Variants in INTS12 observed in about 807,000 individuals in gnomAD.
The protein encoded by INTS12 is PHD finger protein 22.
Under a neutral mutation model 41.6 loss-of-function variants are expected in INTS12, and 13 were observed. The ratio of observed to expected loss-of-function variants is 0.31; its 90% CI spans 0.20 to 0.50. INTS12 has a LOEUF of 0.50. INTS12 is among the 20% of genes least tolerant of loss of function. The pLI, the probability that INTS12 is intolerant of heterozygous loss-of-function variation, is 0.98. For missense variants in INTS12, 432 were observed against 541.6 expected (o/e 0.80, Z 2.01); for synonymous variants, 199 against 191.4 (o/e 1.04, Z -0.33).
At chr4:105,695,749 C>T in intron 3 of INTS12, 81 bp from the exon 4 acceptor site, 2 of 1,137,962 alleles carry the variant, frequency 1.8e-6, no homozygotes, top group Non-Finnish European at 2.5e-6. Context: ...AAACAATTTT[C>T]AGTTAAAAAT....
chr4:105,685,254 T>G (rs1330422708), intron 7 of INTS12, among the ~76,000 whole-genome samples: 1 of 152,094 alleles, frequency 6.6e-6, no homozygotes, highest in East Asian at 1.9e-4. Flanking sequence ...AAAACAAATA[T>G]GACAGCAGTC....
At chr4:105,707,330 T>G (rs1417569627) in intron 1 of INTS12, among the ~76,000 whole-genome samples, 1 of 152,034 alleles carries the variant, frequency 6.6e-6, no homozygotes, top group African/African-American at 2.4e-5. Context: ...TTTTTTTTTT[T>G]TGGCACAAGT....
intron 1 of INTS12, chr4:105,708,067 G>A: frequency 2.0e-6 from 2 of 985,408 alleles, no homozygotes; most frequent in East Asian, 1.1e-4. Flanking sequence ...GCAAGCTCTT[G>A]CAACCCCTTC....
intron 2 of INTS12, 149 bp from the exon 3 acceptor site, chr4:105,700,163 T>C: frequency 4.4e-6 from 2 of 452,654 alleles, no homozygotes; most frequent in Non-Finnish European, 3.6e-6. Context: ...CAAATAAAAG[T>C]AAATTTCCTT....
chr4:105,708,396 G>T, intron 1 of INTS12: 1 of 985,454 alleles, frequency 1.0e-6, no homozygotes, highest in South Asian at 4.7e-5. Context: ...CAAGTCCCTT[G>T]TCCCTAGACC....
intron 2 of INTS12, chr4:105,703,135 G>T: frequency 2.6e-6 from 1 of 391,510 alleles, no homozygotes; most frequent in Non-Finnish European, 3.5e-6. Context: ...CTGCAAAAGA[G>T]CCATATCATT....
At chr4:105,694,037 G>A (rs1458549996) in intron 4 of INTS12, among the ~76,000 whole-genome samples, 1 of 151,992 alleles carries the variant, frequency 6.6e-6, no homozygotes, top group South Asian at 2.1e-4. Flanking sequence ...TTCACTTATA[G>A]GTATACATCC....
chr4:105,685,507 T>C (rs1731470108), intron 7 of INTS12, among the ~76,000 whole-genome samples: 2 of 152,134 alleles, frequency 1.3e-5, no homozygotes, highest in African/African-American at 4.8e-5. Flanking sequence ...TGAAAAATAA[T>C]CTCCAAATAT....
At chr4:105,693,222 T>C (rs1303664260) in intron 5 of INTS12, 77 bp downstream of exon 5, 3 of 1,196,598 alleles carry the variant, frequency 2.5e-6, no homozygotes, top group African/African-American at 3.0e-5. Flanking sequence ...TTTTTCTGAT[T>C]TTGGGGGTTG....
chr4:105,705,440 A>C (rs1234509087), intron 1 of INTS12: 1 of 152,238 alleles, frequency 6.6e-6, no homozygotes, highest in East Asian at 1.9e-4. Context: ...TAATAAGAGA[A>C]ATAAAGTGCA....
At chr4:105,701,681 TC>T (rs1266233439) in intron 2 of INTS12, among the ~76,000 whole-genome samples, 1 of 152,210 alleles carries the variant, frequency 6.6e-6, no homozygotes, top group African/African-American at 2.4e-5. Context: ...TACTAATCTT[TC>T]TACTGATTTT....
intron 5 of INTS12, 92 bp downstream of exon 5, chr4:105,693,204 CACA>C: frequency 2.0e-6 from 2 of 1,020,016 alleles, no homozygotes; most frequent in Non-Finnish European, 2.7e-6. Flanking sequence ...ATAGAAAATG[CACA>C]ACAATTTTTC....
intron 4 of INTS12, among the ~76,000 whole-genome samples, chr4:105,694,839 C>T (rs1221860994): frequency 3.3e-5 from 5 of 152,124 alleles, no homozygotes; most frequent in African/African-American, 4.8e-5. Flanking sequence ...ATCCAAGAAT[C>T]ATCTTTGGCA....
intron 6 of INTS12, among the ~76,000 whole-genome samples, chr4:105,688,759 A>G (rs1412654602): frequency 6.6e-6 from 1 of 152,210 alleles, no homozygotes; most frequent in Non-Finnish European, 1.5e-5. Context: ...TTAACAGATA[A>G]AGACTAATTA....
intron 3 of INTS12, among the ~76,000 whole-genome samples, chr4:105,697,921 G>T (rs1012416272): frequency 6.6e-6 from 1 of 152,074 alleles, no homozygotes; most frequent in South Asian, 2.1e-4. Context: ...ATGGTGGCAT[G>T]CACCTGTAGT....
In INTS12 at chr4:105,693,499, G is replaced by C. The variant is rs1157172751; in HGVS notation, c.310-13C>G. On this transcript the variant is annotated splice_polypyrimidine_tract_variant and intron_variant, in intron 4 of 7. Coordinates refer to ENST00000340139, the MANE Select transcript of INTS12 (RefSeq NM_020395.4). ...TGTCTGATTTCATCTATAAAAAGCA[G>C]GCATCAGAAAATGATAAAGTAATGT... The C allele has an allele frequency of 1.9e-6, 3 of 1,593,690 alleles. No homozygotes were observed. The highest frequency in any genetic ancestry group is 2.6e-6 in the Non-Finnish European group (3 of 1,164,386).
chr4:105,686,902 T>A, intron 6 of INTS12, 64 bp from the exon 7 acceptor site: 1 of 1,400,816 alleles, frequency 7.1e-7, no homozygotes, highest in Non-Finnish European at 1.0e-6. Flanking sequence ...AAGATAATAA[T>A]CCCTCACAGG....
Position 105,683,308 on chromosome 4 carries a change from CTG to C in INTS12, c.812_813del (p.Thr271SerfsTer8). Reference protein sequence around the residue: ...AFKRTEVKTSTVISGNSSSAS... With the variant: ...AFKRTEVKTSXVISGNSSSAS... ...GCACTAGAAGAATTTCCTGAAATAA[CTG>C]TGGATGTCTAAAAAAATAAAGTAAA... On this transcript the variant is annotated frameshift_variant, in exon 8 of 8. Coordinates refer to ENST00000340139, the MANE Select transcript of INTS12 (RefSeq NM_020395.4). LOFTEE classifies it high-confidence loss of function. 6.2e-7 allele frequency: 1 copy of C among 1,604,338 alleles called. No individual in the cohort carries two copies. The highest frequency in any genetic ancestry group is 8.5e-7 in the Non-Finnish European group (1 of 1,175,280).
At chr4:105,685,659 TA>T (rs1265851582) in intron 7 of INTS12, among the ~76,000 whole-genome samples, 10 of 151,468 alleles carry the variant, frequency 6.6e-5, no homozygotes, top group East Asian at 3.8e-4. Flanking sequence ...AATTTGAGGC[TA>T]TTTTTTTTTT....
Sources: gnomAD v4.1 joint callset for allele counts (sites outside exome capture counted in the v4.1 genomes callset) on GRCh38, gnomAD v4.1.1 for gene constraint, MANE v1.5 for transcripts, NCBI Gene and HGNC (gene_info 2026-07-23, HGNC 2026-07-21) for gene names.